The following CWH43 variants were observed in gnomAD, a reference collection of about 807,000 sequenced individuals.
The protein encoded by CWH43 is cell wall biogenesis 43 C-terminal homolog.
A neutral mutation model predicts 85.7 loss-of-function variants in CWH43; 91 were observed. The observed-to-expected ratio is 1.06, with a 90% CI of 0.90 to 1.26. The LOEUF (loss-of-function observed/expected upper bound fraction) is 1.26. Among genes scored for constraint, CWH43 ranks in the 50% most tolerant of loss-of-function variants. The pLI is 0.00. For synonymous variants in CWH43, 323 were observed against 293.6 expected, an observed-to-expected ratio of 1.10 and a Z score of -1.02; for missense variants, 869 against 839.2, an observed-to-expected ratio of 1.04 and a Z score of -0.44.
In CWH43 at chr4:49,030,978, G is replaced by A. The variant is rs758894338; in HGVS notation, c.1508+18G>A. 36 of 1,557,476 alleles carry A rather than the reference G, an allele frequency of 2.3e-5. No homozygotes were observed. The highest frequency in any genetic ancestry group is 2.9e-5 in the Non-Finnish European group (34 of 1,159,194). The stretch of plus-strand genomic sequence containing the variant: ...ACTTGGGGGTGAGTATACCTTGGGA[G>A]TTAATCCCGAAGATAGTCATGAAAG... On this transcript the variant is annotated intron_variant, in intron 11 of 15. Transcript: ENST00000226432.
At chr4:49,036,202 A>T (rs1487195070) in intron 12 of CWH43, among the ~76,000 whole-genome samples, 1 of 152,154 alleles carries the variant, frequency 6.6e-6, no homozygotes, top group Non-Finnish European at 1.5e-5. Context: ...TTAATCTCCC[A>T]TTGATGCCTC....
intron 8 of CWH43, among the ~76,000 whole-genome samples, chr4:49,010,009 T>G (rs191750995): frequency 4.6e-5 from 7 of 152,338 alleles, no homozygotes; most frequent in African/African-American, 1.2e-4. Context: ...TTAGGGAGGA[T>G]TCCCTCTTTT....
chr4:49,027,069 A>G (rs1783939262), intron 9 of CWH43, among the ~76,000 whole-genome samples: 2 of 152,256 alleles, frequency 1.3e-5, no homozygotes, highest in African/African-American at 4.8e-5. Flanking sequence ...AAGAAAAATG[A>G]TATATGTCAA....
At chr4:49,010,645 A>C (rs933601014) in intron 8 of CWH43, among the ~76,000 whole-genome samples, 9 of 152,166 alleles carry the variant, frequency 5.9e-5, no homozygotes, top group African/African-American at 2.2e-4. Flanking sequence ...ACACTGCTTT[A>C]AATGTGTCCC....
chr4:49,047,923 A>G (rs1258099368), intron 14 of CWH43, among the ~76,000 whole-genome samples: 1 of 152,244 alleles, frequency 6.6e-6, no homozygotes, highest in Non-Finnish European at 1.5e-5. Flanking sequence ...AAACTCTAAA[A>G]GGAGCATCAC....
At chr4:48,999,524 T>C (rs1384741127) in intron 6 of CWH43, among the ~76,000 whole-genome samples, 1 of 152,214 alleles carries the variant, frequency 6.6e-6, no homozygotes, top group East Asian at 1.9e-4. Flanking sequence ...TAATTTACAC[T>C]CTCACCAGCA....
chr4:49,055,697 C>A (rs1784930035), intron 15 of CWH43, among the ~76,000 whole-genome samples: 1 of 151,556 alleles, frequency 6.6e-6, no homozygotes. Context: ...TGAAGCAATT[C>A]TCCTGCCTCA....
chr4:49,049,355 TCTC>T (rs1784724358), intron 14 of CWH43, among the ~76,000 whole-genome samples: 1 of 152,074 alleles, frequency 6.6e-6, no homozygotes, highest in Non-Finnish European at 1.5e-5. Context: ...GTTTTTCTCT[TCTC>T]CTGCCACTCA....
At chr4:49,048,925 C>A (rs959313302) in intron 14 of CWH43, among the ~76,000 whole-genome samples, 1 of 152,060 alleles carries the variant, frequency 6.6e-6, no homozygotes, top group East Asian at 1.9e-4. Flanking sequence ...ATCTCAATCA[C>A]CAAATTCAAT....
At chr4:49,045,586 T>C (rs1784598199) in intron 14 of CWH43, among the ~76,000 whole-genome samples, 2 of 152,162 alleles carry the variant, frequency 1.3e-5, no homozygotes, top group Non-Finnish European at 2.9e-5. Context: ...CAGTACAGGT[T>C]TGTAGCCTAG....
chr4:49,060,302 G>C (rs1179396321), intron 15 of CWH43, among the ~76,000 whole-genome samples: 1 of 152,122 alleles, frequency 6.6e-6, no homozygotes, highest in African/African-American at 2.4e-5. Flanking sequence ...GCTGGGGTAG[G>C]CATAAAGGCT....
intron 1 of CWH43, 84 bp downstream of exon 1, chr4:48,986,556 T>A: frequency 6.5e-7 from 1 of 1,541,548 alleles, no homozygotes; most frequent in South Asian, 1.2e-5. Flanking sequence ...CCAGGTTGGC[T>A]GAGTTCAGGT....
chr4:49,060,728 G>A (rs1467211372), intron 15 of CWH43, among the ~76,000 whole-genome samples: 1 of 152,068 alleles, frequency 6.6e-6, no homozygotes, highest in African/African-American at 2.4e-5. Flanking sequence ...GAAATCTTTA[G>A]CTCTTGTGAA....
intron 13 of CWH43, among the ~76,000 whole-genome samples, chr4:49,041,715 T>C (rs1784468049): frequency 6.6e-6 from 1 of 152,186 alleles, no homozygotes; most frequent in Non-Finnish European, 1.5e-5. Flanking sequence ...ATCTGTGTTC[T>C]ACCTTGTGGT....
intron 14 of CWH43, among the ~76,000 whole-genome samples, chr4:49,049,826 C>T (rs1393160468): frequency 2.0e-5 from 3 of 152,170 alleles, no homozygotes; most frequent in Admixed American, 6.5e-5. Flanking sequence ...ATAGCAACCT[C>T]TCCTACTCAT....
intron 7 of CWH43, among the ~76,000 whole-genome samples, chr4:49,004,904 T>TAAAAATATTAAAAA (rs1409384427): frequency 1.2e-4 from 19 of 152,220 alleles, no homozygotes; most frequent in African/African-American, 4.6e-4. Context: ...TCAATTTTAA[T>TAAAAATATTAAAAA]ATTTTAAAAA....
intron 14 of CWH43, among the ~76,000 whole-genome samples, chr4:49,046,115 A>G (rs1362721894): frequency 6.6e-6 from 1 of 152,122 alleles, no homozygotes; most frequent in African/African-American, 2.4e-5. Flanking sequence ...TTTAGGGTAC[A>G]TGTGCACAAT....
At chr4:49,036,108 G>A (rs906600016) in intron 12 of CWH43, among the ~76,000 whole-genome samples, 31 of 152,166 alleles carry the variant, frequency 2.0e-4, no homozygotes, top group African/African-American at 7.2e-4. Flanking sequence ...CCAGAACCAG[G>A]ACAAGGGACC....
chr4:49,057,224 A>G (rs1784996133), intron 15 of CWH43, among the ~76,000 whole-genome samples: 1 of 152,212 alleles, frequency 6.6e-6, no homozygotes, highest in African/African-American at 2.4e-5. Context: ...TGGTCAGAGT[A>G]CAGCTTGGTT....
Sources: allele counts gnomAD v4.1 joint callset (sites outside exome capture counted in the v4.1 genomes callset), GRCh38; gene constraint gnomAD v4.1.1; transcripts MANE v1.5; gene names NCBI Gene and HGNC (gene_info 2026-07-23, HGNC 2026-07-21).